Variants in GRID1 observed in about 807,000 individuals in gnomAD.
The protein encoded by GRID1 is glutamate ionotropic receptor delta type subunit 1, also known as glutamate receptor ionotropic, delta-1.
In GRID1, 28 loss-of-function variants were observed where a neutral mutation model predicts 98.0. The observed-to-expected ratio is 0.29, with a 90% confidence interval of 0.21 to 0.39. GRID1 has a LOEUF of 0.39. GRID1 is among the 10% of genes least tolerant of loss of function. The probability of loss-of-function intolerance (pLI) is 1.00; values close to 1 mark genes in which losing one functional copy is unlikely to be tolerated. For synonymous variants in GRID1, 553 were observed against 538.5 expected, an observed-to-expected ratio of 1.03 and a Z score of -0.37; for missense variants, 1,111 against 1,340.5, an observed-to-expected ratio of 0.83 and a Z score of 2.67.
intron 14 of GRID1, among the ~76,000 whole-genome samples, chr10:85,614,509 G>T (rs1842767204): frequency 2.0e-5 from 3 of 152,194 alleles, no homozygotes; most frequent in Admixed American, 2.0e-4. Context: ...GGAAATCAAG[G>T]CACAGAGAGG....
At chr10:85,694,600 AT>A (rs1363116533) in intron 12 of GRID1, among the ~76,000 whole-genome samples, 36 of 114,464 alleles carry the variant, frequency 3.1e-4, no homozygotes, top group Non-Finnish European at 5.8e-4. Flanking sequence ...ATATATATAT[AT>A]AATGGAATAT....
intron 13 of GRID1, among the ~76,000 whole-genome samples, chr10:85,631,751 T>A (rs78275129): frequency 6.6e-6 from 1 of 152,086 alleles, no homozygotes; most frequent in Non-Finnish European, 1.5e-5. Context: ...AGTTATTCCA[T>A]GGGAAAAATT....
At chr10:85,656,908 T>C (rs1230102233) in intron 12 of GRID1, among the ~76,000 whole-genome samples, 2 of 152,160 alleles carry the variant, frequency 1.3e-5, no homozygotes, top group East Asian at 1.9e-4. Flanking sequence ...CTGTGCCAGA[T>C]CATGTCACCT....
chr10:85,854,651 G>C, intron 7 of GRID1, 36 bp from the exon 8 acceptor site: 2 of 1,613,072 alleles, frequency 1.2e-6, no homozygotes, highest in South Asian at 2.2e-5. Context: ...GGAAAATCTG[G>C]TTAAGGTAGA....
At chr10:86,169,838 C>G (rs1845456560) in intron 3 of GRID1, among the ~76,000 whole-genome samples, 1 of 152,234 alleles carries the variant, frequency 6.6e-6, no homozygotes, top group Non-Finnish European at 1.5e-5. Context: ...ACCGCTGAAA[C>G]AGCCCAGCGG....
At chr10:85,621,333 G>A (rs1017719715) in intron 13 of GRID1, among the ~76,000 whole-genome samples, 1 of 152,108 alleles carries the variant, frequency 6.6e-6, no homozygotes, top group African/African-American at 2.4e-5. Context: ...GCAAGCTACA[G>A]GCTTCTTGGC....
At chr10:86,037,901 A>C (rs1477951100) in intron 4 of GRID1, among the ~76,000 whole-genome samples, 1 of 152,124 alleles carries the variant, frequency 6.6e-6, no homozygotes, top group Non-Finnish European at 1.5e-5. Context: ...TAAAGGCCTA[A>C]TCCTCAGTAC....
chr10:85,683,527 G>A (rs1002197684), intron 12 of GRID1, among the ~76,000 whole-genome samples: 1 of 152,204 alleles, frequency 6.6e-6, no homozygotes, highest in Admixed American at 6.5e-5. Flanking sequence ...AGGTCATGAA[G>A]TCAACTTTGA....
In GRID1 at chr10:85,916,241, T is replaced by C; in HGVS notation, c.727-2A>G. Reference sequence around the variant, plus strand: ...GGAAGCCAGGTTGGTCTCCACGGCCTGCAGAGAGAAAAAGAACGAACATGA... The same window carrying C: ...GGAAGCCAGGTTGGTCTCCACGGCCCGCAGAGAGAAAAAGAACGAACATGA... On this transcript the variant is annotated splice_acceptor_variant, in intron 4 of 15. Transcript: ENST00000327946. LOFTEE classifies it high-confidence loss of function. The surrounding 1 kb of genome is among the most constrained non-coding windows in gnomAD (Gnocchi z 4.0). 1 of 1,611,154 alleles carries C rather than the reference T, an allele frequency of 6.2e-7. No homozygotes were observed. The highest frequency in any genetic ancestry group is 8.5e-7 in the Non-Finnish European group (1 of 1,177,368).
At chr10:86,249,526 T>G (rs908194925) in intron 2 of GRID1, among the ~76,000 whole-genome samples, 1 of 152,196 alleles carries the variant, frequency 6.6e-6, no homozygotes, top group Non-Finnish European at 1.5e-5. Context: ...TTTGAGGGTC[T>G]TGACTACCAC....
intron 12 of GRID1, among the ~76,000 whole-genome samples, chr10:85,692,306 T>G (rs1302884204): frequency 6.6e-6 from 1 of 152,074 alleles, no homozygotes; most frequent in East Asian, 1.9e-4. Context: ...AGGCACAGTT[T>G]AATGAAAGAC....
chr10:85,662,796 T>C (rs756241319), intron 12 of GRID1, among the ~76,000 whole-genome samples: 1 of 152,228 alleles, frequency 6.6e-6, no homozygotes, highest in African/African-American at 2.4e-5. Context: ...GGATGAATTC[T>C]GACCATGAAG....
In GRID1 at chr10:86,081,538, G is replaced by A. The variant is rs555389184; in HGVS notation, c.726+57281C>T. 2.2e-4 allele frequency among the ~76,000 whole-genome samples: 34 copies of A among 152,276 alleles called. No homozygotes were observed. The South Asian group carries it at 2.7e-3, about 12-fold the overall frequency. ...GATCAGCTCTGCCCTCATCATTCCC[G>A]TTTTCTCAGTAAATTAAAAAGCAAA... On this transcript the variant is annotated intron_variant, in intron 4 of 15. Transcript: ENST00000327946.
intron 8 of GRID1, among the ~76,000 whole-genome samples, chr10:85,746,337 C>T (rs1416429644): frequency 6.6e-6 from 1 of 152,082 alleles, no homozygotes. Flanking sequence ...CCATTATAGC[C>T]ATCAGAAGCA....
chr10:86,206,072 G>A lies in GRID1; in HGVS notation c.520+292C>T, dbSNP rs1296310186. On this transcript the variant is annotated intron_variant, in intron 3 of 15. Transcript: ENST00000327946. This position sits in a 1 kb window ranked among gnomAD's most constrained non-coding sequence, Gnocchi z 4.1. ...CAGCCTCCATCTGTGCCAGCATACA[G>A]CCCTTTGGATCCCTGCCAGCAGTTT... Among the ~76,000 whole-genome samples the A allele has an allele frequency of 2.0e-5, 3 of 152,218 alleles. No homozygotes were observed. The highest frequency in any genetic ancestry group is 7.2e-5 in the African/African-American group (3 of 41,466).
chr10:85,717,077 T>C (rs1052483093), intron 12 of GRID1, among the ~76,000 whole-genome samples: 1 of 152,200 alleles, frequency 6.6e-6, no homozygotes, highest in African/African-American at 2.4e-5. Context: ...AATTGTGTTA[T>C]ACATTTGAGA....
Position 86,366,276 on chromosome 10 carries a change from C to G in GRID1, c.79+38G>C. The G allele has an allele frequency of 7.0e-7, 1 of 1,435,136 alleles. No individual in the cohort carries two copies. Among genetic ancestry groups the G allele is most frequent in the Non-Finnish European group, 9.3e-7 (1 of 1,075,352 alleles). The allele number at this position is 1,435,136 out of a possible 1,614,324, so 88.9% of individuals were successfully genotyped here. On this transcript the variant is annotated intron_variant, in intron 1 of 15. Transcript: ENST00000327946. This position sits in a 1 kb window ranked among gnomAD's most constrained non-coding sequence, Gnocchi z 4.1. ...CGCGCACCCCCTGCCCCGTTGGGGC[C>G]CCCGCCCAGCCTCGGCCCGGCCTCC...
chr10:85,658,465 T>A (rs1299455103), intron 12 of GRID1, among the ~76,000 whole-genome samples: 1 of 152,198 alleles, frequency 6.6e-6, no homozygotes, highest in Non-Finnish European at 1.5e-5. Context: ...TTATGGAAGG[T>A]CACAGAAGCA....
intron 12 of GRID1, among the ~76,000 whole-genome samples, chr10:85,702,647 A>G (rs926712359): frequency 2.0e-5 from 3 of 152,142 alleles, no homozygotes; most frequent in African/African-American, 7.2e-5. Flanking sequence ...GACATTAGTA[A>G]GGATAACTAC....
Sources: gnomAD v4.1 joint callset for allele counts (sites outside exome capture counted in the v4.1 genomes callset) on GRCh38, gnomAD v4.1.1 for gene constraint, Gnocchi (gnomAD v3.1) non-coding constraint, MANE v1.5 for transcripts, NCBI Gene and HGNC (gene_info 2026-07-23, HGNC 2026-07-21) for gene names.